Variants in U2AF2 observed in about 807,000 individuals in gnomAD.
U2AF2 encodes the protein splicing factor U2AF 65 kDa subunit.
Under a neutral mutation model 52.6 loss-of-function variants are expected in U2AF2, and 6 were observed. The ratio of observed to expected loss-of-function variants is 0.11; its 90% CI spans 0.06 to 0.23. The LOEUF (loss-of-function observed/expected upper bound fraction) is 0.23, where lower values mean the gene tolerates loss of function less well. U2AF2 is among the 10% of genes least tolerant of loss of function. U2AF2 has a pLI of 1.00. For synonymous variants in U2AF2, 284 were observed against 258.2 expected (o/e 1.10, Z -0.96); for missense variants, 222 against 677.1 (o/e 0.33, Z 7.46).
chr19:55,658,606 G>T (rs1404989268), intron 1 of U2AF2, among the ~76,000 whole-genome samples: 1 of 152,132 alleles, frequency 6.6e-6, no homozygotes, highest in African/African-American at 2.4e-5. Context: ...GGAGAGGAGG[G>T]CCTCTTTCCC....
At position 55,668,615 on chromosome 19, in the gene U2AF2, T is replaced by TCCCCCCCCCCCCC; in HGVS notation, c.822+35_822+36insCCCCCCCCCCCCC. 1.3e-6 allele frequency: 2 copies of TCCCCCCCCCCCCC among 1,513,964 alleles called. No individual in the cohort carries two copies. The highest frequency in any genetic ancestry group is 1.8e-6 in the Non-Finnish European group (2 of 1,097,190). 93.8% of individuals were successfully genotyped at this position (1,513,964 alleles called of 1,614,324 possible). A position where few individuals can be genotyped will look rare whatever the true frequency, so the allele number is the denominator to read the frequency against. On this transcript the variant is annotated intron_variant, in intron 8 of 11. Transcript: ENST00000308924. This position sits in a 1 kb window ranked among gnomAD's most constrained non-coding sequence, Gnocchi z 5.5. ...ACTTCCCTGCCTCCCTCCAGACCCG[T>TCCCCCCCCCCCCC]CCCCCCACCCCGCCCCACCTCATCC...
intron 1 of U2AF2, among the ~76,000 whole-genome samples, chr19:55,657,396 T>G (rs534138700): frequency 6.6e-6 from 1 of 152,352 alleles, no homozygotes; most frequent in African/African-American, 2.4e-5. Context: ...CTTCTGTACG[T>G]GTCGCCTTCT....
Position 55,669,512 on chromosome 19 carries a change from C to T in U2AF2, c.1113C>T (p.Gly371=), listed in dbSNP as rs778805636. ...TGATGAGCTCCCAGGTGCAGATGGGCGGCCACCCGACTGAGGTCCTGTGCC... is the reference window on the plus strand; with the variant it reads ...TGATGAGCTCCCAGGTGCAGATGGGTGGCCACCCGACTGAGGTCCTGTGCC... ...PGLMSSQVQM[G]GHPTEVLCLM... is the part of the protein sequence containing the mutation. Residue 371 remains glycine, a synonymous_variant, in exon 11 of 12, where the codon GGC becomes GGT. Transcript: ENST00000308924. 17 of 1,613,810 alleles carry T rather than the reference C, an allele frequency of 1.1e-5. No homozygotes were observed. The highest frequency in any genetic ancestry group is 1.3e-5 in the Non-Finnish European group (15 of 1,179,834).
intron 1 of U2AF2, 190 bp from the exon 2 acceptor site, chr19:55,659,020 C>T (rs1197554204): frequency 3.3e-6 from 3 of 896,568 alleles, no homozygotes; most frequent in African/African-American, 1.7e-5. Context: ...GCCCCGTCCC[C>T]CTGGTCCCCT....
At chr19:55,655,632 CCCTTT>C (rs1414908676) in intron 1 of U2AF2, among the ~76,000 whole-genome samples, 1 of 152,212 alleles carries the variant, frequency 6.6e-6, no homozygotes, top group Non-Finnish European at 1.5e-5. Flanking sequence ...GTGGGGGGGC[CCCTTT>C]CCTTCCTTCA....
At chr19:55,669,218 G>A (rs773146620) in intron 10 of U2AF2, 37 bp downstream of exon 10, 7 of 1,609,342 alleles carry the variant, frequency 4.3e-6, no homozygotes, top group Non-Finnish European at 5.9e-6. Flanking sequence ...GACCCTGGGG[G>A]TGGGAGGGGC....
chr19:55,669,977 C>T (rs1346954437), intron 11 of U2AF2, among the ~76,000 whole-genome samples: 6 of 152,248 alleles, frequency 3.9e-5, no homozygotes, highest in East Asian at 1.9e-4. Context: ...AGCTCTGTAT[C>T]GCTGTAGAAC....
chr19:55,672,057 A>T (rs1219426832), intron 11 of U2AF2: 1 of 150,672 alleles, frequency 6.6e-6, no homozygotes. Context: ...TGAACCCGGG[A>T]GGCGGAGGTT....
Position 55,663,459 on chromosome 19 carries a change from G to A in U2AF2, c.604-147G>A, listed in dbSNP as rs1183094408. ...CCTGGCAGCAGGGACATGCGTGTCT[G>A]TTGTACTCCCAGTGCCCAGCCTGGG... is the stretch of plus-strand genomic sequence containing the variant. On this transcript the variant is annotated intron_variant, in intron 6 of 11. Coordinates refer to ENST00000308924, the MANE Select transcript of U2AF2 (RefSeq NM_007279.3). 8 of 1,252,010 alleles carry A rather than the reference G, an allele frequency of 6.4e-6. No homozygotes were observed. The South Asian group carries it at 9.3e-5, about 15-fold the overall frequency. 77.6% of individuals were successfully genotyped at this position (1,252,010 alleles called of 1,614,324 possible). A position where few individuals can be genotyped will look rare whatever the true frequency, so the allele number is the denominator to read the frequency against.
Position 55,663,765 on chromosome 19 carries a change from G to A in U2AF2, c.742+21G>A, listed in dbSNP as rs772326480. 3.1e-6 allele frequency: 5 copies of A among 1,613,764 alleles called. 1 individual carries two copies. The highest frequency in any genetic ancestry group is 2.5e-6 in the Non-Finnish European group (3 of 1,179,838). On this transcript the variant is annotated intron_variant, in intron 7 of 11. Coordinates refer to ENST00000308924, the MANE Select transcript of U2AF2 (RefSeq NM_007279.3). ...GCCTGGTGAGTGGGGGATCCATTAA[G>A]GGCCCCTTTCTCCCCCAGTCCTGTT...
At chr19:55,661,277 G>A in intron 5 of U2AF2, 88 bp downstream of exon 5, 2 of 1,322,886 alleles carry the variant, frequency 1.5e-6, no homozygotes, top group East Asian at 3.0e-5. Context: ...CAACCTGCAC[G>A]GGTCAGACTC....
At chr19:55,663,353 G>A (rs1248190967) in intron 6 of U2AF2, among the ~76,000 whole-genome samples, 2 of 152,056 alleles carry the variant, frequency 1.3e-5, no homozygotes, top group East Asian at 1.9e-4. Context: ...TCCCTCTTCC[G>A]TGTCATCACA....
chr19:55,661,499 G>GACACACACAC (rs59262812), intron 5 of U2AF2, among the ~76,000 whole-genome samples: 49 of 145,098 alleles, frequency 3.4e-4, no homozygotes, highest in Admixed American at 1.4e-3. Context: ...GGGAGACTTG[G>GACACACACAC]ACACACACAC....
chr19:55,658,158 G>C (rs913396501), intron 1 of U2AF2, among the ~76,000 whole-genome samples: 1 of 152,194 alleles, frequency 6.6e-6, no homozygotes, highest in Non-Finnish European at 1.5e-5. Flanking sequence ...CCCCAGGGAT[G>C]ATCACTCCAG....
At chr19:55,657,792 T>C (rs1028784640) in intron 1 of U2AF2, among the ~76,000 whole-genome samples, 2 of 152,204 alleles carry the variant, frequency 1.3e-5, no homozygotes, top group African/African-American at 4.8e-5. Flanking sequence ...CTCACTGATG[T>C]CAGAGTGTTT....
intron 6 of U2AF2, among the ~76,000 whole-genome samples, chr19:55,663,275 A>G (rs1192279213): frequency 6.6e-6 from 1 of 152,268 alleles, no homozygotes; most frequent in East Asian, 1.9e-4. Flanking sequence ...CCCTCACCAG[A>G]AAGACTCCAG....
intron 11 of U2AF2, among the ~76,000 whole-genome samples, chr19:55,670,895 T>C (rs1984876085): frequency 6.6e-6 from 1 of 152,042 alleles, no homozygotes; most frequent in Non-Finnish European, 1.5e-5. Flanking sequence ...CAGGGCAGGA[T>C]GTGGATCAGC....
chr19:55,659,064 G>T (rs559535937), intron 1 of U2AF2, 146 bp from the exon 2 acceptor site: 3 of 1,274,846 alleles, frequency 2.4e-6, no homozygotes, highest in East Asian at 3.1e-5. Context: ...GACCCAGGAG[G>T]CCTGTTAATT....
Position 55,665,009 on chromosome 19 carries a change from C to T in U2AF2, c.742+1265C>T, listed in dbSNP as rs539044640. Among the ~76,000 whole-genome samples, 28 of 152,276 alleles carry T rather than the reference C, an allele frequency of 1.8e-4. No homozygotes were observed. In the South Asian group the frequency reaches 5.6e-3, roughly 30 times the overall value. On this transcript the variant is annotated intron_variant, in intron 7 of 11. Transcript: ENST00000308924. Reference sequence around the variant, plus strand: ...TTGGGATTACAGGCATGAGCCACTGCGCTCAGCCCAGTGCTTTTCCATCAT... The same window carrying T: ...TTGGGATTACAGGCATGAGCCACTGTGCTCAGCCCAGTGCTTTTCCATCAT...
Sources: gnomAD v4.1 joint callset for allele counts (sites outside exome capture counted in the v4.1 genomes callset) on GRCh38, gnomAD v4.1.1 for gene constraint, Gnocchi (gnomAD v3.1) non-coding constraint, MANE v1.5 for transcripts, NCBI Gene and HGNC (gene_info 2026-07-23, HGNC 2026-07-21) for gene names.